The following NEDD4L variants were observed in gnomAD, a reference collection of about 807,000 sequenced individuals.
NEDD4L encodes the protein E3 ubiquitin-protein ligase NEDD4-like.
A neutral mutation model predicts 148.9 loss-of-function variants in NEDD4L; 54 were observed. The ratio of observed to expected loss-of-function variants is 0.36; its 90% CI spans 0.29 to 0.45. The LOEUF is 0.45. Ranked by LOEUF, NEDD4L falls within the 20% of genes least tolerant of loss-of-function variation. The pLI is 1.00. For synonymous variants in NEDD4L, 433 were observed against 440.7 expected (o/e 0.98, Z 0.22); for missense variants, 856 against 1,233.8 (o/e 0.69, Z 4.59).
intron 5 of NEDD4L, among the ~76,000 whole-genome samples, chr18:58,263,678 T>C (rs1364701887): frequency 1.8e-4 from 25 of 135,772 alleles, no homozygotes; most frequent in African/African-American, 5.5e-4. Flanking sequence ...TTTTTTTTTT[T>C]CTCTCTCTCA....
intron 1 of NEDD4L, among the ~76,000 whole-genome samples, chr18:58,079,239 A>T (rs1244744676): frequency 6.6e-6 from 1 of 152,082 alleles, no homozygotes; most frequent in African/African-American, 2.4e-5. Context: ...ATTTTTTCAT[A>T]TCTAAAATGA....
At chr18:58,095,582 C>CGCCTTG (rs2145388270) in intron 1 of NEDD4L, among the ~76,000 whole-genome samples, 1 of 152,276 alleles carries the variant, frequency 6.6e-6, no homozygotes, top group South Asian at 2.1e-4. Flanking sequence ...AAGCTGTGGC[C>CGCCTTG]GCCTTGGTTG....
At chr18:58,183,672 G>T (rs146971121) in intron 2 of NEDD4L, among the ~76,000 whole-genome samples, 1 of 152,132 alleles carries the variant, frequency 6.6e-6, no homozygotes, top group African/African-American at 2.4e-5. Flanking sequence ...TAGCTTTTTC[G>T]TGCACTTGTG....
chr18:58,199,803 C>G (rs879419136), intron 2 of NEDD4L, among the ~76,000 whole-genome samples: 4 of 152,096 alleles, frequency 2.6e-5, no homozygotes, highest in Non-Finnish European at 5.9e-5. Context: ...AAGAAAATTG[C>G]ATCTTGCAAC....
chr18:58,324,515 G>A (rs2059134445), intron 8 of NEDD4L, among the ~76,000 whole-genome samples: 1 of 152,212 alleles, frequency 6.6e-6, no homozygotes, highest in Admixed American at 6.5e-5. Context: ...GGTCCCCTGT[G>A]CCATGAGTTC....
chr18:58,316,245 G>A (rs1044846644), intron 6 of NEDD4L, among the ~76,000 whole-genome samples: 4 of 152,134 alleles, frequency 2.6e-5, no homozygotes, highest in Non-Finnish European at 4.4e-5. Flanking sequence ...TGCCTGAGTC[G>A]TGCGCTTGCG....
At chr18:58,309,706 A>G (rs2057460801) in intron 5 of NEDD4L, among the ~76,000 whole-genome samples, 1 of 152,074 alleles carries the variant, frequency 6.6e-6, no homozygotes, top group South Asian at 2.1e-4. Context: ...CAAAAAAAAA[A>G]AAAATGGTGA....
At chr18:58,255,542 A>G (rs940349598) in intron 5 of NEDD4L, 1 of 1,231,240 alleles carries the variant, frequency 8.1e-7, no homozygotes, top group Non-Finnish European at 1.0e-6. Context: ...GGCAGATGGG[A>G]CACTTTTTCT....
chr18:58,090,118 A>G (rs1599194062), intron 1 of NEDD4L, among the ~76,000 whole-genome samples: 2 of 152,274 alleles, frequency 1.3e-5, no homozygotes, highest in East Asian at 1.9e-4. Context: ...GATTACCGGC[A>G]TAAGCCACCA....
intron 24 of NEDD4L, among the ~76,000 whole-genome samples, chr18:58,373,507 C>CGT (rs1568890980): frequency 6.6e-6 from 1 of 152,200 alleles, no homozygotes; most frequent in African/African-American, 2.4e-5. Context: ...GGGCATGAAC[C>CGT]AGCACCTCTT....
intron 5 of NEDD4L, among the ~76,000 whole-genome samples, chr18:58,294,702 A>G (rs1174194753): frequency 2.7e-5 from 4 of 150,462 alleles, no homozygotes; most frequent in African/African-American, 9.9e-5. Flanking sequence ...AAGTTTTTGT[A>G]GAGACAGGGG....
intron 1 of NEDD4L, among the ~76,000 whole-genome samples, chr18:58,153,356 T>A (rs886238245): frequency 2.3e-5 from 3 of 131,988 alleles, no homozygotes; most frequent in East Asian, 2.2e-4. Flanking sequence ...TTTTTTTTTT[T>A]AAAGACAGAG....
intron 1 of NEDD4L, among the ~76,000 whole-genome samples, chr18:58,114,274 A>G (rs574975968): frequency 3.3e-5 from 5 of 152,102 alleles, no homozygotes; most frequent in Admixed American, 6.5e-5. Flanking sequence ...TTCTAGTGAC[A>G]GTTTTGCTGT....
rs543397808 is a variant in NEDD4L, at chr18:58,280,827, C to A, written c.297+28773C>A. ...CATATAGTCCCATAACCAAGAAATTCATTCATTGTGACCTATTTGAGGGTC... is the reference window on the plus strand; with the variant it reads ...CATATAGTCCCATAACCAAGAAATTAATTCATTGTGACCTATTTGAGGGTC... On this transcript the variant is annotated intron_variant, in intron 5 of 30. Transcript: ENST00000400345. Among the ~76,000 whole-genome samples, 8 of 152,210 alleles carry A rather than the reference C, an allele frequency of 5.3e-5. No homozygotes were observed. In the South Asian group the frequency reaches 1.7e-3, roughly 32 times the overall value.
At chr18:58,245,674 C>CTTTT (rs57282316) in intron 3 of NEDD4L, among the ~76,000 whole-genome samples, 166 bp downstream of exon 3, 26 of 89,256 alleles carry the variant, frequency 2.9e-4, no homozygotes, top group South Asian at 4.0e-4. Context: ...CACTTTTTCT[C>CTTTT]TTTTTTTTTT....
At chr18:58,199,838 C>G (rs2041197739) in intron 2 of NEDD4L, among the ~76,000 whole-genome samples, 1 of 152,100 alleles carries the variant, frequency 6.6e-6, no homozygotes, top group African/African-American at 2.4e-5. Context: ...TAGGGAAAAA[C>G]TGAGGAAATG....
At position 58,181,340 on chromosome 18, in the gene NEDD4L, A is replaced by G. The variant is rs568299783; in HGVS notation, c.122+15479A>G. ...CTGTATTCATTTCATATGGTCCCAGAGATAAAATGTTTAGGATTCATTTTT... is the reference window on the plus strand; with the variant it reads ...CTGTATTCATTTCATATGGTCCCAGGGATAAAATGTTTAGGATTCATTTTT... On this transcript the variant is annotated intron_variant, in intron 2 of 30. Transcript: ENST00000400345. Among the ~76,000 whole-genome samples the G allele has an allele frequency of 3.5e-4, 54 of 152,354 alleles. No individual in the cohort carries two copies. In the South Asian group the frequency reaches 0.01, roughly 29 times the overall value.
chr18:58,234,588 G>T (rs2045785628), intron 2 of NEDD4L, among the ~76,000 whole-genome samples: 1 of 151,974 alleles, frequency 6.6e-6, no homozygotes, highest in South Asian at 2.1e-4. Context: ...TCCTATCTCA[G>T]CCTCCCAAAG....
intron 30 of NEDD4L, 102 bp from the exon 31 acceptor site, chr18:58,396,065 G>T: frequency 1.4e-6 from 1 of 726,932 alleles, no homozygotes; most frequent in Non-Finnish European, 2.3e-6. Context: ...AAAATTGTTG[G>T]TTAAGGCTTT....
Sources: allele counts gnomAD v4.1 joint callset (sites outside exome capture counted in the v4.1 genomes callset), GRCh38; gene constraint gnomAD v4.1.1; transcripts MANE v1.5; gene names NCBI Gene and HGNC (gene_info 2026-07-23, HGNC 2026-07-21).